Variants in ATMIN observed in about 807,000 individuals in gnomAD.
The protein encoded by ATMIN is ATM interactor, also known as ATM INteracting protein.
ATMIN carries 24 observed loss-of-function variants against 49.2 expected under a neutral mutation model. The observed-to-expected ratio is 0.49, with a 90% CI of 0.35 to 0.69. ATMIN has a LOEUF of 0.69. Among genes scored for constraint, ATMIN ranks in the 30% least tolerant of loss-of-function variants. ATMIN has a pLI of 0.00. For missense variants in ATMIN, 1,037 were observed against 1,005.5 expected, an observed-to-expected ratio of 1.03 and a Z score of -0.42; for synonymous variants, 450 against 392.5, an observed-to-expected ratio of 1.15 and a Z score of -1.73.
Position 81,041,359 on chromosome 16 carries a change from G to C in ATMIN, c.340G>C (p.Gly114Arg). 1 of 1,609,176 alleles carries C rather than the reference G, an allele frequency of 6.2e-7. No individual in the cohort carries two copies. The highest frequency in any genetic ancestry group is 8.5e-7 in the Non-Finnish European group (1 of 1,178,832). Residue 114 changes from glycine (G) to arginine (R), a missense_variant, in exon 2 of 4, where the codon GGC (glycine) becomes CGC (arginine). Physicochemically the swap from Gly to Arg is moderately radical, Grantham distance 125. Coordinates refer to ENST00000299575, the MANE Select transcript of ATMIN (RefSeq NM_015251.3). The part of the protein sequence containing the change: ...HLVKSHRLQD[G>R]IVNPTIRKDL... ...TAAAGTAATTTTCCTTTTGCAGGAT[G>C]GCATAGTCAATCCAACAATAAGAAA... is the stretch of plus-strand genomic sequence containing the variant.
chr16:81,044,845 A>G lies in ATMIN; in HGVS notation c.2347A>G (p.Asn783Asp). The change falls in exon 4 of 4, where the codon AAC becomes GAC. Residue 783 changes from asparagine to aspartate, a missense_variant. By Grantham distance (23) the Asn-to-Asp change is conservative. Coordinates refer to ENST00000299575, the MANE Select transcript of ATMIN (RefSeq NM_015251.3). ...ETLGSLFFTSNETQTAMDDFL... is the reference protein window; with the variant it reads ...ETLGSLFFTSDETQTAMDDFL... ...CCTGGGGAGCTTGTTCTTCACCAGC[A>G]ACGAAACTCAGACAGCAATGGATGA... 1 of 1,614,214 alleles carries G rather than the reference A, an allele frequency of 6.2e-7. No individual in the cohort carries two copies. The highest frequency in any genetic ancestry group is 8.5e-7 in the Non-Finnish European group (1 of 1,180,030).
At chr16:81,040,361 G>C (rs1238713739) in intron 1 of ATMIN, among the ~76,000 whole-genome samples, 1 of 152,122 alleles carries the variant, frequency 6.6e-6, no homozygotes, top group Non-Finnish European at 1.5e-5. Context: ...GTGAGTGGTG[G>C]GGTGTTGGCT....
rs1176363983 is a variant in ATMIN at position 81,042,543 on chromosome 16, T to A, written c.662+63T>A. 1.3e-5 allele frequency: 20 copies of A among 1,521,298 alleles called. No homozygotes were observed. In the Admixed American group the frequency reaches 3.4e-4, roughly 26 times the overall value. The allele number at this position is 1,521,298 out of a possible 1,614,324, so 94.2% of individuals were successfully genotyped here. A position where few individuals can be genotyped will look rare whatever the true frequency, so the allele number is the denominator to read the frequency against. ...TATGGGAAGCATTTCAGATGAAACA[T>A]CCTGGAGAGCCAGTGGTGTGGGGAG... On this transcript the variant is annotated intron_variant, in intron 3 of 3. Transcript: ENST00000299575.
Position 81,044,747 on chromosome 16 carries a change from A to G in ATMIN, c.2249A>G (p.Asn750Ser), listed in dbSNP as rs1267688066. The G allele has an allele frequency of 6.2e-7, 1 of 1,614,230 alleles. No individual in the cohort carries two copies. Among genetic ancestry groups the G allele is most frequent in the East Asian group, 2.2e-5 (1 of 44,890 alleles). Residue 750 changes from asparagine (N) to serine (S), a missense_variant, in exon 4 of 4, where the codon AAT (asparagine) becomes AGT (serine). Physicochemically the swap from Asn to Ser is conservative, Grantham distance 46. Coordinates refer to ENST00000299575, the MANE Select transcript of ATMIN (RefSeq NM_015251.3). ...ACTGAAGGAGTCTCCACTGCTAAAA[A>G]TATACCTGCTCTAGAAAGCAAAGTT... ...TQTEGVSTAK[N>S]IPALESKVQL...
chr16:81,037,289 G>T (rs2151736549), intron 1 of ATMIN: 1 of 985,404 alleles, frequency 1.0e-6, no homozygotes, highest in African/African-American at 1.7e-5. Context: ...CCAGAATATT[G>T]CATGTTCTGT....
rs1345018647 is a variant in ATMIN at position 81,043,594 on chromosome 16, C to T, written c.1096C>T (p.Leu366=). The T allele has an allele frequency of 2.5e-6, 4 of 1,614,010 alleles. No homozygotes were observed. The highest frequency in any genetic ancestry group is 1.7e-5 in the Admixed American group (1 of 60,000). The part of the protein sequence containing the change: ...DSEACSLKES[L]PLFKIANPIA... Reference sequence around the variant, plus strand: ...AGAGGCTTGCTCTCTTAAGGAGAGCCTACCTCTTTTCAAAATTGCTAATCC... The same window carrying T: ...AGAGGCTTGCTCTCTTAAGGAGAGCTTACCTCTTTTCAAAATTGCTAATCC... Residue 366 remains leucine (L), a synonymous_variant, in exon 4 of 4, where the codon CTA becomes TTA. Coordinates refer to ENST00000299575, the MANE Select transcript of ATMIN (RefSeq NM_015251.3).
rs760253974 is a variant in ATMIN, at chr16:81,044,357, C to G, written c.1859C>G (p.Pro620Arg). The stretch of plus-strand genomic sequence containing the variant: ...CTTTTGTCTGACACAAATCCTGGAC[C>G]TGACACCCAGCTCCCATCTGGCCCA... ...RSLLSDTNPG[P>R]DTQLPSGPAQ... Residue 620 changes from proline (P) to arginine (R), a missense_variant, in exon 4 of 4, where the codon CCT (proline) becomes CGT (arginine). Transcript: ENST00000299575. 5.0e-5 allele frequency: 81 copies of G among 1,614,024 alleles called. No individual in the cohort carries two copies. The highest frequency in any genetic ancestry group is 6.9e-5 in the Non-Finnish European group (81 of 1,180,032).
rs918380700 is a variant in ATMIN at position 81,035,902 on chromosome 16, G to A, written c.32G>A (p.Gly11Glu). MAASEAAAAAGSAALAAGARA... is the reference protein window; with the variant it reads MAASEAAAAAESAALAAGARA... Reference sequence around the variant, plus strand: ...GCCTCGGAGGCGGCGGCGGCGGCGGGGTCCGCGGCTCTGGCGGCGGGTGCC... The same window carrying A: ...GCCTCGGAGGCGGCGGCGGCGGCGGAGTCCGCGGCTCTGGCGGCGGGTGCC... The change falls in exon 1 of 4, where the codon GGG (glycine) becomes GAG (glutamate). Residue 11 changes from glycine to glutamate, a missense_variant. Coordinates refer to ENST00000299575, the MANE Select transcript of ATMIN (RefSeq NM_015251.3). The A allele has an allele frequency of 9.2e-6, 9 of 982,680 alleles. No individual in the cohort carries two copies. Among genetic ancestry groups the A allele is most frequent in the African/African-American group, 3.5e-5 (2 of 56,602 alleles). The allele number at this position is 982,680 out of a possible 1,614,324, so 60.9% of individuals were successfully genotyped here. A position where few individuals can be genotyped will look rare whatever the true frequency, so the allele number is the denominator to read the frequency against.
chr16:81,046,162 T>TTCCCCAAGTGCA lies in ATMIN; in HGVS notation c.*1196_*1207dup, dbSNP rs1236945702. 4 of 152,078 alleles carry TTCCCCAAGTGCA rather than the reference T, an allele frequency of 2.6e-5. No homozygotes were observed. The highest frequency in any genetic ancestry group is 5.9e-5 in the Non-Finnish European group (4 of 68,016). The allele number at this position is 152,078 out of a possible 1,614,324, so 9.4% of individuals were successfully genotyped here. A position where few individuals can be genotyped will look rare whatever the true frequency, so the allele number is the denominator to read the frequency against. On this transcript the variant is annotated 3_prime_UTR_variant, in exon 4 of 4. Coordinates refer to ENST00000299575, the MANE Select transcript of ATMIN (RefSeq NM_015251.3). ...CCAGAGTTGGGGGCTCTGGAGCTGT[T>TTCCCCAAGTGCA]TCCCCAAGTGCATCCACAAGCTGGA...
In ATMIN at chr16:81,042,341, G is replaced by A. The variant is rs765042652; in HGVS notation, c.523G>A (p.Gly175Ser). The A allele has an allele frequency of 2.9e-5, 46 of 1,613,964 alleles. No individual in the cohort carries two copies. The highest frequency in any genetic ancestry group is 3.6e-5 in the Non-Finnish European group (42 of 1,180,042). ...HKCSKCSNSY[G>S]TEWDLKRHAE... is the part of the protein sequence containing the mutation. ...ATGTAGTAAGTGCAGCAATTCGTAC[G>A]GTACAGAATGGGACCTGAAAAGACA... Residue 175 changes from glycine (G) to serine (S), a missense_variant, in exon 3 of 4, where the codon GGT (glycine) becomes AGT (serine). By Grantham distance (56) the Gly-to-Ser change is moderately conservative. Transcript: ENST00000299575.
intron 2 of ATMIN, chr16:81,041,745 T>C (rs111956388): frequency 8.2e-5 from 26 of 318,062 alleles, no homozygotes; most frequent in African/African-American, 5.2e-4. Context: ...AAATGTTTGC[T>C]CGCAGATCTC....
At chr16:81,043,107 G>A in intron 3 of ATMIN, 54 bp from the exon 4 acceptor site, 2 of 1,539,648 alleles carry the variant, frequency 1.3e-6, no homozygotes, top group Non-Finnish European at 1.7e-6. Context: ...AGAGTGTCAT[G>A]GTCGAAGAAA....
intron 3 of ATMIN, 110 bp downstream of exon 3, chr16:81,042,590 G>A (rs1971053480): frequency 1.8e-6 from 2 of 1,141,484 alleles, no homozygotes; most frequent in South Asian, 1.5e-5. Flanking sequence ...CTTAGAAAAT[G>A]TGTGACGTGG....
chr16:81,042,719 T>C (rs1971055356), intron 3 of ATMIN, among the ~76,000 whole-genome samples: 1 of 152,232 alleles, frequency 6.6e-6, no homozygotes, highest in African/African-American at 2.4e-5. Context: ...GAGTCCCTTG[T>C]TATTTCCATT....
intron 1 of ATMIN, among the ~76,000 whole-genome samples, chr16:81,040,246 A>G (rs989443996): frequency 6.6e-6 from 1 of 151,710 alleles, no homozygotes; most frequent in Non-Finnish European, 1.5e-5. Flanking sequence ...TGCCATTGCC[A>G]TTTCTCATCT....
At position 81,035,957 on chromosome 16, in the gene ATMIN, C is replaced by T. The variant is rs1970919934; in HGVS notation, c.87C>T (p.Ala29=). The change falls in exon 1 of 4, where the codon GCC becomes GCT. Residue 29 remains alanine (A), a synonymous_variant. Coordinates refer to ENST00000299575, the MANE Select transcript of ATMIN (RefSeq NM_015251.3). ...ARAVPAATTG[A]AAAASGPWVP... is the part of the protein sequence containing the mutation. Reference sequence around the variant, plus strand: ...CCGTCCCGGCGGCCACGACAGGAGCCGCCGCCGCCGCCTCGGGCCCGTGGG... The same window carrying T: ...CCGTCCCGGCGGCCACGACAGGAGCTGCCGCCGCCGCCTCGGGCCCGTGGG... The T allele has an allele frequency of 2.9e-6, 3 of 1,022,332 alleles. No individual in the cohort carries two copies. The highest frequency in any genetic ancestry group is 1.7e-5 in the African/African-American group (1 of 57,560). 63.3% of individuals were successfully genotyped at this position (1,022,332 alleles called of 1,614,324 possible). A position where few individuals can be genotyped will look rare whatever the true frequency, so the allele number is the denominator to read the frequency against.
chr16:81,036,297 G>A, intron 1 of ATMIN, 91 bp downstream of exon 1: 7 of 1,083,290 alleles, frequency 6.5e-6, no homozygotes, highest in Non-Finnish European at 7.9e-6. Flanking sequence ...TCGGGGGGAC[G>A]AGCGCCCTGC....
In ATMIN at chr16:81,046,160, G is replaced by C. The variant is rs944954919; in HGVS notation, c.*1190G>C. ...GGCCAGAGTTGGGGGCTCTGGAGCTGTTTCCCCAAGTGCATCCACAAGCTG... is the reference window on the plus strand; with the variant it reads ...GGCCAGAGTTGGGGGCTCTGGAGCTCTTTCCCCAAGTGCATCCACAAGCTG... On this transcript the variant is annotated 3_prime_UTR_variant, in exon 4 of 4. Transcript: ENST00000299575. 1 of 152,020 alleles carries C rather than the reference G, an allele frequency of 6.6e-6. No individual in the cohort carries two copies. Among genetic ancestry groups the C allele is most frequent in the Non-Finnish European group, 1.5e-5 (1 of 68,010 alleles). 9.4% of individuals were successfully genotyped at this position (152,020 alleles called of 1,614,324 possible). A position where few individuals can be genotyped will look rare whatever the true frequency, so the allele number is the denominator to read the frequency against.
Position 81,044,096 on chromosome 16 carries a change from T to C in ATMIN, c.1598T>C (p.Ile533Thr), listed in dbSNP as rs763344050. The C allele has an allele frequency of 4.3e-6, 7 of 1,614,098 alleles. No individual in the cohort carries two copies. Among genetic ancestry groups the C allele is most frequent in the Non-Finnish European group, 5.1e-6 (6 of 1,180,040 alleles). Residue 533 changes from isoleucine (I) to threonine (T), a missense_variant, in exon 4 of 4, where the codon ATA becomes ACA. Ile to Thr is a moderately conservative substitution (Grantham distance 89). Coordinates refer to ENST00000299575, the MANE Select transcript of ATMIN (RefSeq NM_015251.3). ...SSYNVATGNI[I>T]SNSLVAETVT... ...TATAATGTTGCTACAGGTAACATTA[T>C]AAGCAACAGTTTAGTAGCAGAGACA...
Sources: allele counts gnomAD v4.1 joint callset (sites outside exome capture counted in the v4.1 genomes callset), GRCh38; gene constraint gnomAD v4.1.1; transcripts MANE v1.5; gene names NCBI Gene and HGNC (gene_info 2026-07-23, HGNC 2026-07-21).